The following ATP6V0A4 variants were observed in gnomAD, a reference collection of about 807,000 sequenced individuals.
ATP6V0A4 encodes the protein V-type proton ATPase 116 kDa subunit a 4.
In ATP6V0A4, 86 loss-of-function variants were observed where a neutral mutation model predicts 107.3. The observed-to-expected ratio is 0.80, with a 90% confidence interval of 0.67 to 0.96. ATP6V0A4 has a LOEUF of 0.96. Among genes scored for constraint, ATP6V0A4 ranks in the 40% least tolerant of loss-of-function variants. The probability of loss-of-function intolerance (pLI) is 0.00; values close to 1 mark genes in which losing one functional copy is unlikely to be tolerated. For synonymous variants in ATP6V0A4, 353 were observed against 381.4 expected, an observed-to-expected ratio of 0.93 and a Z score of 0.87; for missense variants, 908 against 1,045.6, an observed-to-expected ratio of 0.87 and a Z score of 1.81.
chr7:138,777,702 G>C, intron 2 of ATP6V0A4, among the ~76,000 whole-genome samples: 1 of 150,376 alleles, frequency 6.6e-6, no homozygotes, highest in East Asian at 1.9e-4. Context: ...GAAAAAGGGA[G>C]TAGAAATACT....
rs115218704 is a variant in ATP6V0A4 at position 138,740,004 on chromosome 7, G to A, written c.1479-371C>T. Among the ~76,000 whole-genome samples, 570 of 151,872 alleles carry A rather than the reference G, an allele frequency of 3.8e-3. 3 individuals are homozygous for A. Among genetic ancestry groups the A allele is most frequent in the African/African-American group, 0.013 (527 of 41,428 alleles). On this transcript the variant is annotated intron_variant, in intron 14 of 21. Coordinates refer to ENST00000310018, the MANE Select transcript of ATP6V0A4 (RefSeq NM_020632.3). ...AGCTACTTGGGAGGCTGAGGCAGGAGGACTGCCTTGAGCCTGGGAGGTCAA... is the reference window on the plus strand; with the variant it reads ...AGCTACTTGGGAGGCTGAGGCAGGAAGACTGCCTTGAGCCTGGGAGGTCAA...
At chr7:138,763,245 C>T (rs556441905) in intron 5 of ATP6V0A4, among the ~76,000 whole-genome samples, 1 of 151,904 alleles carries the variant, frequency 6.6e-6, no homozygotes, top group South Asian at 2.1e-4. Context: ...CATCACCAAA[C>T]GAGAGGATTA....
intron 21 of ATP6V0A4, among the ~76,000 whole-genome samples, chr7:138,708,023 T>C (rs1464906180): frequency 7.2e-6 from 1 of 139,298 alleles, no homozygotes; most frequent in Admixed American, 7.0e-5. Flanking sequence ...TTTATTTTAT[T>C]TATTTATTTA....
chr7:138,793,584 A>G (rs533896840), intron 1 of ATP6V0A4, among the ~76,000 whole-genome samples: 1 of 152,334 alleles, frequency 6.6e-6, no homozygotes, highest in South Asian at 2.1e-4. Flanking sequence ...CCACAACTGC[A>G]TGACACATTC....
chr7:138,708,754 C>T (rs982673402), intron 21 of ATP6V0A4, among the ~76,000 whole-genome samples: 2 of 152,158 alleles, frequency 1.3e-5, no homozygotes, highest in African/African-American at 4.8e-5. Flanking sequence ...GTTGGTATAA[C>T]TCCTCTACTC....
chr7:138,739,293 G>A (rs182998631), intron 15 of ATP6V0A4, among the ~76,000 whole-genome samples: 1 of 151,634 alleles, frequency 6.6e-6, no homozygotes, highest in East Asian at 1.9e-4. Context: ...TAACCACCAG[G>A]GATATGATTG....
chr7:138,776,872 C>A (rs1228627999), intron 2 of ATP6V0A4, among the ~76,000 whole-genome samples: 1 of 152,142 alleles, frequency 6.6e-6, no homozygotes, highest in Non-Finnish European at 1.5e-5. Context: ...ATAGGCTGGA[C>A]GCGGTGGCTC....
At chr7:138,749,440 A>T (rs1338077279) in intron 11 of ATP6V0A4, 123 bp from the exon 12 acceptor site, 2 of 1,101,876 alleles carry the variant, frequency 1.8e-6, no homozygotes, top group African/African-American at 3.2e-5. Context: ...CAATCTCTTG[A>T]TCTCTCTGAG....
chr7:138,739,412 G>T, intron 15 of ATP6V0A4, 128 bp downstream of exon 15: 2 of 1,201,978 alleles, frequency 1.7e-6, no homozygotes, highest in Non-Finnish European at 1.2e-6. Context: ...AAAAACGTCA[G>T]CAGAAGTTAT....
At chr7:138,712,770 C>T (rs1803810872) in intron 20 of ATP6V0A4, among the ~76,000 whole-genome samples, 1 of 152,016 alleles carries the variant, frequency 6.6e-6, no homozygotes, top group Non-Finnish European at 1.5e-5. Flanking sequence ...TATGGGCTGG[C>T]CAGAGGACAC....
chr7:138,769,938 C>T (rs906311874), intron 3 of ATP6V0A4, among the ~76,000 whole-genome samples: 4 of 152,054 alleles, frequency 2.6e-5, no homozygotes, highest in East Asian at 1.9e-4. Flanking sequence ...ATTAACCGAG[C>T]GTGGTGGTGT....
rs1450549939 is a variant in ATP6V0A4 at position 138,732,861 on chromosome 7, A to AG, written c.1908+15_1908+16insC. ...TAAATAAAAGAAGAGTAAAAAAAAA[A>AG]AAATAGCAGAAATACCTGATGTTTG... On this transcript the variant is annotated intron_variant, in intron 17 of 21. Transcript: ENST00000310018. The AG allele has an allele frequency of 1.3e-6, 2 of 1,579,832 alleles. No homozygotes were observed.
At position 138,739,548 on chromosome 7, in the gene ATP6V0A4, T is replaced by C. The variant is rs767979718; in HGVS notation, c.1564A>G (p.Ile522Val). The change falls in exon 15 of 22, where the codon ATT (isoleucine) becomes GTT (valine). Residue 522 changes from isoleucine to valine, a missense_variant. By Grantham distance (29) the Ile-to-Val change is conservative. Coordinates refer to ENST00000310018, the MANE Select transcript of ATP6V0A4 (RefSeq NM_020632.3). ...VYFGNPYPFG[I>V]DPIWNLASNK... Reference sequence around the variant, plus strand: ...CAAGAAGACATTATTACCGGATCAATCCCAAACGGGTATGGATTTCCAAAA... The same window carrying C: ...CAAGAAGACATTATTACCGGATCAACCCCAAACGGGTATGGATTTCCAAAA... 6.2e-7 allele frequency: 1 copy of C among 1,614,190 alleles called. No individual in the cohort carries two copies. The highest frequency in any genetic ancestry group is 8.5e-7 in the Non-Finnish European group (1 of 1,180,032).
chr7:138,796,266 T>C (rs1211612792), intron 1 of ATP6V0A4, among the ~76,000 whole-genome samples: 2 of 151,848 alleles, frequency 1.3e-5, no homozygotes, highest in East Asian at 1.9e-4. Flanking sequence ...GTTCAACTAG[T>C]GGTAATGCCT....
intron 11 of ATP6V0A4, 68 bp downstream of exon 11, chr7:138,752,556 CA>C: frequency 6.3e-7 from 1 of 1,589,196 alleles, no homozygotes; most frequent in Non-Finnish European, 8.6e-7. Context: ...CCCATGAGGC[CA>C]ACACCCTCTG....
chr7:138,717,907 C>T (rs1222611192), intron 19 of ATP6V0A4, among the ~76,000 whole-genome samples: 1 of 19,620 alleles, frequency 5.1e-5, no homozygotes, highest in South Asian at 2.4e-3. Context: ...GACTCTGTCT[C>T]GGAAAAAAAA....
chr7:138,748,627 G>A (rs932393206), intron 12 of ATP6V0A4, among the ~76,000 whole-genome samples: 5 of 152,026 alleles, frequency 3.3e-5, no homozygotes, highest in South Asian at 2.1e-4. Context: ...AGCTGGTCTC[G>A]AACTCCTGAC....
chr7:138,769,375 C>T (rs970987814), intron 3 of ATP6V0A4, 124 bp from the exon 4 acceptor site: 59 of 1,420,694 alleles, frequency 4.2e-5, no homozygotes, highest in Non-Finnish European at 5.0e-5. Context: ...AGGGCAATGG[C>T]GCGATCTCAG....
Position 138,707,341 on chromosome 7 carries a change from A to ATAT in ATP6V0A4, c.2430-627_2430-625dup, listed in dbSNP as rs1372530329. Among the ~76,000 whole-genome samples, 26 of 100,246 alleles carry ATAT rather than the reference A, an allele frequency of 2.6e-4. 1 individual carries two copies. In the South Asian group the frequency reaches 2.7e-3, roughly 10 times the overall value. The allele number at this position is 100,246 out of a possible 152,430, so 65.8% of individuals were successfully genotyped here. A position where few individuals can be genotyped will look rare whatever the true frequency, so the allele number is the denominator to read the frequency against. The stretch of plus-strand genomic sequence containing the variant: ...ATATTTATATTTATATTTATAATAT[A>ATAT]TATATTATAATATATATTATATTAT... On this transcript the variant is annotated intron_variant, in intron 21 of 21. Transcript: ENST00000310018.
Sources: gnomAD v4.1 joint callset for allele counts (sites outside exome capture counted in the v4.1 genomes callset) on GRCh38, gnomAD v4.1.1 for gene constraint, MANE v1.5 for transcripts, NCBI Gene and HGNC (gene_info 2026-07-23, HGNC 2026-07-21) for gene names.